Variants in DIP2C observed in about 807,000 individuals in gnomAD.
DIP2C encodes DIP2 acetate--CoA ligase C (putative).
In DIP2C, 33 loss-of-function variants were observed where a neutral mutation model predicts 192.4. The observed-to-expected ratio is 0.17, with a 90% CI of 0.13 to 0.23. DIP2C has a LOEUF of 0.23. Among genes scored for constraint, DIP2C ranks in the 10% least tolerant of loss-of-function variants. The probability of loss-of-function intolerance (pLI) is 1.00; values close to 1 mark genes in which losing one functional copy is unlikely to be tolerated. For missense variants in DIP2C, 1,537 were observed against 2,110.1 expected, an observed-to-expected ratio of 0.73 and a Z score of 5.32; for synonymous variants, 979 against 864.1, an observed-to-expected ratio of 1.13 and a Z score of -2.33.
chr10:637,040 G>A (rs1487453162), intron 1 of DIP2C, among the ~76,000 whole-genome samples: 2 of 152,274 alleles, frequency 1.3e-5, no homozygotes, highest in Admixed American at 1.3e-4. Flanking sequence ...ACCTGGAGGT[G>A]TGAACTGCAC....
chr10:614,486 G>A (rs1177948259), intron 1 of DIP2C, among the ~76,000 whole-genome samples: 2 of 152,122 alleles, frequency 1.3e-5, no homozygotes, highest in African/African-American at 2.4e-5. Context: ...TGCAGCCAGA[G>A]GCCTAAGGGA....
chr10:473,202 G>A (rs903967223), intron 2 of DIP2C, among the ~76,000 whole-genome samples: 1 of 152,216 alleles, frequency 6.6e-6, no homozygotes, highest in Non-Finnish European at 1.5e-5. Context: ...AAACATTGAT[G>A]TGAATCCACC....
intron 32 of DIP2C, among the ~76,000 whole-genome samples, chr10:289,341 C>T (rs1038886865): frequency 2.6e-5 from 4 of 152,020 alleles, no homozygotes; most frequent in African/African-American, 7.3e-5. Flanking sequence ...ACAATCATGG[C>T]TCATCGCAGT....
intron 29 of DIP2C, among the ~76,000 whole-genome samples, chr10:339,946 C>T (rs1047713928): frequency 1.5e-4 from 23 of 152,200 alleles, no homozygotes; most frequent in African/African-American, 3.9e-4. Flanking sequence ...CGCACGAGGG[C>T]GAGGCGGGCA....
Position 688,025 on chromosome 10 carries a change from G to A in DIP2C, c.85+1469C>T, listed in dbSNP as rs978813425. Among the ~76,000 whole-genome samples, 9 of 152,192 alleles carry A rather than the reference G, an allele frequency of 5.9e-5. 1 individual carries two copies. The highest frequency in any genetic ancestry group is 2.1e-4 in the South Asian group (1 of 4,834). On this transcript the variant is annotated intron_variant, in intron 1 of 36. Transcript: ENST00000280886. ...GTGCACCTGGGCCGAGACGCAAGCCGGGAAACCTACCCAAGGCTGACACAA... is the reference window on the plus strand; with the variant it reads ...GTGCACCTGGGCCGAGACGCAAGCCAGGAAACCTACCCAAGGCTGACACAA...
rs1456418464 is a variant in DIP2C at position 636,783 on chromosome 10, A to G, written c.85+52711T>C. Among the ~76,000 whole-genome samples, 1 of 152,188 alleles carries G rather than the reference A, an allele frequency of 6.6e-6. No homozygotes were observed. Among genetic ancestry groups the G allele is most frequent in the Non-Finnish European group, 1.5e-5 (1 of 68,030 alleles). Reference sequence around the variant, plus strand: ...CCCAGATGCATCTGTCTCTCAGGGCATCATTAAATTCCCTCTTATGCACCT... The same window carrying G: ...CCCAGATGCATCTGTCTCTCAGGGCGTCATTAAATTCCCTCTTATGCACCT... On this transcript the variant is annotated intron_variant, in intron 1 of 36. Coordinates refer to ENST00000280886, the MANE Select transcript of DIP2C (RefSeq NM_014974.3). The surrounding 1 kb of genome is among the most constrained non-coding windows in gnomAD (Gnocchi z 4.6).
chr10:325,187 C>T (rs1406352689), intron 31 of DIP2C, among the ~76,000 whole-genome samples: 1 of 152,046 alleles, frequency 6.6e-6, no homozygotes, highest in African/African-American at 2.4e-5. Flanking sequence ...ATGGCGTGAA[C>T]CCAGCAGGTG....
chr10:579,462 TAC>T lies in DIP2C; in HGVS notation c.86-92934_86-92933del, dbSNP rs1189195587. On this transcript the variant is annotated intron_variant, in intron 1 of 36. Coordinates refer to ENST00000280886, the MANE Select transcript of DIP2C (RefSeq NM_014974.3). ...AACACATGTGTACATGCATAGAGCGTACACACATACAGATCCAGTGTACAAAC... is the reference window on the plus strand; with the variant it reads ...AACACATGTGTACATGCATAGAGCGTACACATACAGATCCAGTGTACAAAC... Among the ~76,000 whole-genome samples the T allele has an allele frequency of 1.3e-4, 19 of 151,628 alleles. No individual in the cohort carries two copies. The East Asian group carries it at 1.4e-3, about 11-fold the overall frequency.
At chr10:535,063 A>G (rs1449320662) in intron 1 of DIP2C, among the ~76,000 whole-genome samples, 2 of 152,186 alleles carry the variant, frequency 1.3e-5, no homozygotes, top group Non-Finnish European at 2.9e-5. Context: ...GGAGGCAGGA[A>G]CTGACCCCTC....
chr10:366,039 G>T (rs1435403453), intron 19 of DIP2C, among the ~76,000 whole-genome samples: 3 of 152,234 alleles, frequency 2.0e-5, no homozygotes, highest in Non-Finnish European at 4.4e-5. Flanking sequence ...TAACAAAAAG[G>T]ATCCTTTTTA....
chr10:442,851 C>T (rs1274750308), intron 3 of DIP2C, among the ~76,000 whole-genome samples: 1 of 152,192 alleles, frequency 6.6e-6, no homozygotes, highest in Non-Finnish European at 1.5e-5. Flanking sequence ...CTTACTTTGT[C>T]TTCCTATTTT....
At chr10:674,789 T>TATATATATATATAGAGAGAGAGAG in intron 1 of DIP2C, among the ~76,000 whole-genome samples, 10 of 62,482 alleles carry the variant, frequency 1.6e-4, no homozygotes, top group African/African-American at 8.1e-4. Flanking sequence ...TATATATATA[T>TATATATATATATAGAGAGAGAGAG]AGAGAGAGAG....
chr10:635,880 G>C (rs1332525794), intron 1 of DIP2C, among the ~76,000 whole-genome samples: 4 of 152,210 alleles, frequency 2.6e-5, no homozygotes, highest in Non-Finnish European at 4.4e-5. Flanking sequence ...CAGCCCAGAG[G>C]CTCAACGGGG....
chr10:326,610 T>C (rs1957282534), intron 31 of DIP2C, among the ~76,000 whole-genome samples: 1 of 152,248 alleles, frequency 6.6e-6, no homozygotes, highest in African/African-American at 2.4e-5. Context: ...CAGCAGCAAA[T>C]CCCAGAACCT....
chr10:487,382 G>A (rs1448631281), intron 1 of DIP2C, among the ~76,000 whole-genome samples: 1 of 152,042 alleles, frequency 6.6e-6, no homozygotes, highest in Non-Finnish European at 1.5e-5. Context: ...CACACAAGCT[G>A]GTCAACTCAC....
intron 1 of DIP2C, among the ~76,000 whole-genome samples, chr10:576,767 C>A (rs1031190855): frequency 6.6e-6 from 1 of 152,110 alleles, no homozygotes. Context: ...ATTAGCCAGG[C>A]ATGGTGGCAC....
At chr10:412,398 A>G (rs1000964623) in intron 8 of DIP2C, among the ~76,000 whole-genome samples, 2 of 152,216 alleles carry the variant, frequency 1.3e-5, no homozygotes, top group Admixed American at 1.3e-4. Context: ...CTCCAAGTAC[A>G]CAATTAGCTC....
intron 1 of DIP2C, among the ~76,000 whole-genome samples, chr10:619,420 G>A (rs942772358): frequency 3.3e-5 from 5 of 151,596 alleles, no homozygotes; most frequent in African/African-American, 1.2e-4. Context: ...CGCATCCCCT[G>A]GTCCTTATGG....
intron 9 of DIP2C, 21 bp downstream of exon 9, chr10:408,905 A>T: frequency 6.2e-7 from 1 of 1,612,652 alleles, no homozygotes; most frequent in Non-Finnish European, 8.5e-7. Context: ...TTGTAGATCC[A>T]GCAGTTTAAG....
Sources: gnomAD v4.1 joint callset for allele counts (sites outside exome capture counted in the v4.1 genomes callset) on GRCh38, gnomAD v4.1.1 for gene constraint, Gnocchi (gnomAD v3.1) non-coding constraint, MANE v1.5 for transcripts, NCBI Gene and HGNC (gene_info 2026-07-23, HGNC 2026-07-21) for gene names.